The following TUBA8 variants were observed in gnomAD, a reference collection of about 807,000 sequenced individuals.
TUBA8 encodes tubulin alpha 8.
A neutral mutation model predicts 34.7 loss-of-function variants in TUBA8; 29 were observed. That is an observed-to-expected ratio of 0.84 (90% CI 0.62 to 1.14). The LOEUF is 1.14. Among genes scored for constraint, TUBA8 ranks in the 50% most tolerant of loss-of-function variants. The pLI is 0.00. For missense variants in TUBA8, 541 were observed against 599.2 expected (o/e 0.90, Z 1.01); for synonymous variants, 226 against 231.2 (o/e 0.98, Z 0.21).
rs1018955728 is a variant in TUBA8, at chr22:18,112,850, A to G, written c.3+1982A>G. ...TTACACTCACAGAAACTTTTAAAATATCATTTGGCTCATTTGTAAAAGGCT... is the reference window on the plus strand; with the variant it reads ...TTACACTCACAGAAACTTTTAAAATGTCATTTGGCTCATTTGTAAAAGGCT... On this transcript the variant is annotated intron_variant, in intron 1 of 4. Coordinates refer to ENST00000330423, the MANE Select transcript of TUBA8 (RefSeq NM_018943.3). 4 of 152,254 alleles carry G rather than the reference A, an allele frequency of 2.6e-5. No individual in the cohort carries two copies. The South Asian group carries it at 8.3e-4, about 31-fold the overall frequency. 9.4% of individuals were successfully genotyped at this position (152,254 alleles called of 1,614,324 possible).
At position 18,119,357 on chromosome 22, in the gene TUBA8, G is replaced by T. The variant is rs1284962583; in HGVS notation, c.4-2122G>T. 1.3e-5 allele frequency: 2 copies of T among 152,188 alleles called. No individual in the cohort carries two copies. Among genetic ancestry groups the T allele is most frequent in the African/African-American group, 2.4e-5 (1 of 41,402 alleles). The allele number at this position is 152,188 out of a possible 1,614,324, so 9.4% of individuals were successfully genotyped here. On this transcript the variant is annotated intron_variant, in intron 1 of 4. Coordinates refer to ENST00000330423, the MANE Select transcript of TUBA8 (RefSeq NM_018943.3). The surrounding 1 kb of genome is among the most constrained non-coding windows in gnomAD (Gnocchi z 5.9). ...AGGGACCTGAGAGCTCCCTCTACGT[G>T]TGCTACTTCCCGGTGCAGAAAAATG... is the stretch of plus-strand genomic sequence containing the variant.
In TUBA8 at chr22:18,118,783, AAG is replaced by A; in HGVS notation, c.4-2692_4-2691del. 1 of 152,224 alleles carries A rather than the reference AAG, an allele frequency of 6.6e-6. No homozygotes were observed. The allele number at this position is 152,224 out of a possible 1,614,324, so 9.4% of individuals were successfully genotyped here. On this transcript the variant is annotated intron_variant, in intron 1 of 4. Transcript: ENST00000330423. The surrounding 1 kb of genome is among the most constrained non-coding windows in gnomAD (Gnocchi z 4.0). Reference sequence around the variant, plus strand: ...GCACGACGGGGGCGGGGGAGAGAGAAAGAGACAGACATTTTGTAAAAGACTGG... The same window carrying A: ...GCACGACGGGGGCGGGGGAGAGAGAAAGACAGACATTTTGTAAAAGACTGG...
intron 1 of TUBA8, chr22:18,120,744 C>G (rs1393325789): frequency 6.6e-6 from 1 of 152,364 alleles, no homozygotes; most frequent in South Asian, 2.1e-4. Flanking sequence ...CATCAGTGCA[C>G]TCCCCATCTT....
rs1055127118 is a variant in TUBA8 at position 18,118,258 on chromosome 22, C to T, written c.4-3221C>T. On this transcript the variant is annotated intron_variant, in intron 1 of 4. Transcript: ENST00000330423. This position sits in a 1 kb window ranked among gnomAD's most constrained non-coding sequence, Gnocchi z 4.0. ...GGGCAATATTTGATAATCTATTATT[C>T]GGTCCACATTGCTTAGCAGACATTC... 4.6e-5 allele frequency: 7 copies of T among 152,160 alleles called. No individual in the cohort carries two copies. The highest frequency in any genetic ancestry group is 4.1e-4 in the South Asian group (2 of 4,820). 9.4% of individuals were successfully genotyped at this position (152,160 alleles called of 1,614,324 possible). A position where few individuals can be genotyped will look rare whatever the true frequency, so the allele number is the denominator to read the frequency against.
Position 18,130,612 on chromosome 22 carries a change from A to G in TUBA8, c.1057-231A>G, listed in dbSNP as rs57272649. 8.7e-4 allele frequency: 485 copies of G among 558,822 alleles called. 9 individuals carry two copies. The East Asian group carries it at 0.012, about 14-fold the overall frequency. The allele number at this position is 558,822 out of a possible 1,614,324, so 34.6% of individuals were successfully genotyped here. ...CTAATTTTTTTTTTTTTTTTGGTAG[A>G]GATGGGTTTTTGCTCTGTTGCCCTG... On this transcript the variant is annotated intron_variant, in intron 4 of 4. Transcript: ENST00000330423.
At chr22:18,125,616 C>T (rs1018370066) in intron 3 of TUBA8, 1 of 151,872 alleles carries the variant, frequency 6.6e-6, no homozygotes, top group East Asian at 1.9e-4. Flanking sequence ...AGAACTCAGG[C>T]TTTCTGGCTC....
In TUBA8 at chr22:18,126,154, G is replaced by C. The variant is rs997589043; in HGVS notation, c.376-200G>C. ...CTGGGATTACAGGCATTGAGTCACT[G>C]TGCCTGGCCCCATCCCATATTTTAG... is the stretch of plus-strand genomic sequence containing the variant. On this transcript the variant is annotated intron_variant, in intron 3 of 4. Transcript: ENST00000330423. The surrounding 1 kb of genome is among the most constrained non-coding windows in gnomAD (Gnocchi z 4.0). The C allele has an allele frequency of 2.2e-5, 13 of 604,158 alleles. No homozygotes were observed. Among genetic ancestry groups the C allele is most frequent in the South Asian group, 4.0e-5 (2 of 50,456 alleles). The allele number at this position is 604,158 out of a possible 1,614,324, so 37.4% of individuals were successfully genotyped here.
chr22:18,126,641 C>A lies in TUBA8; in HGVS notation c.663C>A (p.Arg221=). The change falls in exon 4 of 5, where the codon CGC becomes CGA. Residue 221 remains arginine, a synonymous_variant. Coordinates refer to ENST00000330423, the MANE Select transcript of TUBA8 (RefSeq NM_018943.3). The surrounding 1 kb of genome is among the most constrained non-coding windows in gnomAD (Gnocchi z 4.0). ...GCCGCAGGAACCTTGACATTGAGCG[C>A]CCTACCTATACCAACCTCAACCGCC... The part of the protein sequence containing the change: ...DICRRNLDIE[R]PTYTNLNRLI... The A allele has an allele frequency of 1.2e-6, 2 of 1,614,116 alleles. No homozygotes were observed. The highest frequency in any genetic ancestry group is 1.7e-6 in the Non-Finnish European group (2 of 1,180,028).
chr22:18,114,664 C>T (rs1927912555), intron 1 of TUBA8: 2 of 152,080 alleles, frequency 1.3e-5, no homozygotes, highest in African/African-American at 4.8e-5. Context: ...TTATCCCAGC[C>T]TGACAACTAG....
intron 1 of TUBA8, chr22:18,115,088 C>T (rs894241156): frequency 2.0e-5 from 3 of 152,240 alleles, no homozygotes; most frequent in African/African-American, 7.2e-5. Flanking sequence ...CAGCGAGGGG[C>T]CTTGGCTCAC....
chr22:18,130,790 T>C, intron 4 of TUBA8, 53 bp from the exon 5 acceptor site: 2 of 1,609,916 alleles, frequency 1.2e-6, no homozygotes, highest in Non-Finnish European at 8.5e-7. Flanking sequence ...TGAGTTATCC[T>C]CTGGCTGACT....
rs370789345 is a variant in TUBA8, at chr22:18,127,555, A to G, written c.1056+521A>G. 78 of 151,330 alleles carry G rather than the reference A, an allele frequency of 5.2e-4. 2 individuals carry two copies. In the Middle Eastern group the frequency reaches 0.022, roughly 43 times the overall value. 9.4% of individuals were successfully genotyped at this position (151,330 alleles called of 1,614,324 possible). ...ACTACAGGCGCCCGCCGCCACGCCC[A>G]GCTAATTTTTTGTATGTTTAGTAGA... On this transcript the variant is annotated intron_variant, in intron 4 of 4. Coordinates refer to ENST00000330423, the MANE Select transcript of TUBA8 (RefSeq NM_018943.3).
intron 1 of TUBA8, chr22:18,116,537 G>A (rs1049162521): frequency 6.6e-6 from 1 of 152,230 alleles, no homozygotes; most frequent in African/African-American, 2.4e-5. Flanking sequence ...TGATCCATGA[G>A]GCTGGCCCAG....
chr22:18,127,316 A>T, intron 4 of TUBA8: 2 of 391,876 alleles, frequency 5.1e-6, no homozygotes, highest in East Asian at 4.7e-5. Context: ...ATGATTTGGT[A>T]TTGGCCCAAA....
Position 18,119,027 on chromosome 22 carries a change from G to A in TUBA8, c.4-2452G>A, listed in dbSNP as rs140459568. 5 of 152,566 alleles carry A rather than the reference G, an allele frequency of 3.3e-5. No homozygotes were observed. Among genetic ancestry groups the A allele is most frequent in the African/African-American group, 1.2e-4 (5 of 41,562 alleles). The allele number at this position is 152,566 out of a possible 1,614,324, so 9.5% of individuals were successfully genotyped here. On this transcript the variant is annotated intron_variant, in intron 1 of 4. Transcript: ENST00000330423. The surrounding 1 kb of genome is among the most constrained non-coding windows in gnomAD (Gnocchi z 5.9). Reference sequence around the variant, plus strand: ...AGCACTGTAGGCAGGACTAGAGGGTGGTCGGGATGCGGTGGTGGTGAGGGG... The same window carrying A: ...AGCACTGTAGGCAGGACTAGAGGGTAGTCGGGATGCGGTGGTGGTGAGGGG...
chr22:18,127,135 A>G, intron 4 of TUBA8, 101 bp downstream of exon 4: 5 of 1,244,616 alleles, frequency 4.0e-6, no homozygotes, highest in Middle Eastern at 2.1e-4. Context: ...TTATGTGATG[A>G]TAAGGGGAGG....
Position 18,111,752 on chromosome 22 carries a change from G to A in TUBA8, c.3+884G>A, listed in dbSNP as rs931849288. On this transcript the variant is annotated intron_variant, in intron 1 of 4. Transcript: ENST00000330423. The surrounding 1 kb of genome is among the most constrained non-coding windows in gnomAD (Gnocchi z 5.1). ...TCTTTCAGCAGTAGGGAGATGGGCT[G>A]GAAAGATTGGGGGCAGAGTGAGGGC... 3.9e-5 allele frequency: 6 copies of A among 152,362 alleles called. No homozygotes were observed. Among genetic ancestry groups the A allele is most frequent in the African/African-American group, 1.4e-4 (6 of 41,554 alleles). The allele number at this position is 152,362 out of a possible 1,614,324, so 9.4% of individuals were successfully genotyped here. A position where few individuals can be genotyped will look rare whatever the true frequency, so the allele number is the denominator to read the frequency against.
In TUBA8 at chr22:18,111,465, G is replaced by C. The variant is rs1927808822; in HGVS notation, c.3+597G>C. The C allele has an allele frequency of 6.5e-6, 1 of 154,058 alleles. No individual in the cohort carries two copies. The highest frequency in any genetic ancestry group is 2.4e-5 in the African/African-American group (1 of 41,440). The allele number at this position is 154,058 out of a possible 1,614,324, so 9.5% of individuals were successfully genotyped here. A position where few individuals can be genotyped will look rare whatever the true frequency, so the allele number is the denominator to read the frequency against. On this transcript the variant is annotated intron_variant, in intron 1 of 4. Coordinates refer to ENST00000330423, the MANE Select transcript of TUBA8 (RefSeq NM_018943.3). This position sits in a 1 kb window ranked among gnomAD's most constrained non-coding sequence, Gnocchi z 5.1. ...AGCTCCCAAGTCTTTCCAGCGGTCA[G>C]AGTCGAAGGACTTTGGGAGTAAGAA...
chr22:18,114,027 G>C (rs2123692456), intron 1 of TUBA8: 1 of 152,342 alleles, frequency 6.6e-6, no homozygotes, highest in East Asian at 1.9e-4. Context: ...GGCCAGTGAT[G>C]GGGGTGGGCA....
Sources: gnomAD v4.1 joint callset for allele counts on GRCh38, gnomAD v4.1.1 for gene constraint, Gnocchi (gnomAD v3.1) non-coding constraint, MANE v1.5 for transcripts, NCBI Gene and HGNC (gene_info 2026-07-23, HGNC 2026-07-21) for gene names.